ZNF316: variants seen among roughly 807,000 people sequenced by gnomAD.
ZNF316 encodes zinc finger protein 316.
In ZNF316, 23 loss-of-function variants were observed where a neutral mutation model predicts 75.6. That is an observed-to-expected ratio of 0.30 (90% CI 0.22 to 0.43). ZNF316 has a LOEUF of 0.43. Ranked by LOEUF, ZNF316 falls within the 20% of genes least tolerant of loss-of-function variation. The pLI is 1.00. For missense variants in ZNF316, 1,266 were observed against 1,409.4 expected, an observed-to-expected ratio of 0.90 and a Z score of 1.63; for synonymous variants, 827 against 666.2, an observed-to-expected ratio of 1.24 and a Z score of -3.72.
rs1173213580 is a variant in ZNF316, at chr7:6,640,434, A to C, written c.-167+1293A>C. Among the ~76,000 whole-genome samples, 2 of 152,114 alleles carry C rather than the reference A, an allele frequency of 1.3e-5. No individual in the cohort carries two copies. Among genetic ancestry groups the C allele is most frequent in the Admixed American group, 1.3e-4 (2 of 15,280 alleles). ...CACATGGCGAAAACAGGAACAAGCAAGAGAGAGTGAGTGGGGAGGCGCCAC... is the reference window on the plus strand; with the variant it reads ...CACATGGCGAAAACAGGAACAAGCACGAGAGAGTGAGTGGGGAGGCGCCAC... On this transcript the variant is annotated intron_variant, in intron 3 of 8. Coordinates refer to ENST00000382252, the MANE Select transcript of ZNF316 (RefSeq NM_001278559.2). This position sits in a 1 kb window ranked among gnomAD's most constrained non-coding sequence, Gnocchi z 5.1.
chr7:6,652,962 C>T lies in ZNF316; in HGVS notation c.1366C>T (p.Pro456Ser). ...CCAGCGCACGCACACCGGCGAGCGACCCTACCCGTGTTCGCACTGCGGCCG... is the reference window on the plus strand; with the variant it reads ...CCAGCGCACGCACACCGGCGAGCGATCCTACCCGTGTTCGCACTGCGGCCG... ...THQRTHTGER[P>S]YPCSHCGRSF... is the part of the protein sequence containing the mutation. The change falls in exon 9 of 9, where the codon CCC becomes TCC. Residue 456 changes from proline (P) to serine (S), a missense_variant. Physicochemically the swap from Pro to Ser is moderately conservative, Grantham distance 74. Transcript: ENST00000382252. 8.0e-7 allele frequency: 1 copy of T among 1,242,482 alleles called. No homozygotes were observed. The allele number at this position is 1,242,482 out of a possible 1,614,324, so 77.0% of individuals were successfully genotyped here. A position where few individuals can be genotyped will look rare whatever the true frequency, so the allele number is the denominator to read the frequency against.
intron 8 of ZNF316, among the ~76,000 whole-genome samples, chr7:6,644,938 C>A: frequency 6.6e-6 from 1 of 152,250 alleles, no homozygotes; most frequent in Non-Finnish European, 1.5e-5. Flanking sequence ...TCTGATGGCA[C>A]AGTGCTAGCC....
rs1212596093 is a variant in ZNF316 at position 6,655,376 on chromosome 7, C to G, written c.*765C>G. ...TCCTCTTCTCTACCCACACTTGCAC[C>G]GAGGTCACCCCGGCACCCTCCGCAC... On this transcript the variant is annotated 3_prime_UTR_variant, in exon 9 of 9. Transcript: ENST00000382252. The G allele has an allele frequency of 6.6e-6, 1 of 152,196 alleles. No individual in the cohort carries two copies. 9.4% of individuals were successfully genotyped at this position (152,196 alleles called of 1,614,324 possible). A position where few individuals can be genotyped will look rare whatever the true frequency, so the allele number is the denominator to read the frequency against.
rs904248166 is a variant in ZNF316, at chr7:6,653,599, T to G, written c.2003T>G (p.Phe668Cys). 3.8e-6 allele frequency: 4 copies of G among 1,063,614 alleles called. No individual in the cohort carries two copies. In the African/African-American group the frequency reaches 5.2e-5, roughly 14 times the overall value. The allele number at this position is 1,063,614 out of a possible 1,614,324, so 65.9% of individuals were successfully genotyped here. Residue 668 changes from phenylalanine to cysteine, a missense_variant, in exon 9 of 9, where the codon TTC becomes TGC. Physicochemically the swap from Phe to Cys is radical, Grantham distance 205. Coordinates refer to ENST00000382252, the MANE Select transcript of ZNF316 (RefSeq NM_001278559.2). Reference sequence around the variant, plus strand: ...GGCGGCGGAGGCGGCCTGCGCGCGTTCGGGCCCGCCATCGGGGGTCTGCTG... The same window carrying G: ...GGCGGCGGAGGCGGCCTGCGCGCGTGCGGGCCCGCCATCGGGGGTCTGCTG... ...AAGGGGGLRA[F>C]GPAIGGLLAE...
Position 6,644,083 on chromosome 7 carries a change from G to A in ZNF316, c.592+135G>A, listed in dbSNP as rs187244794. On this transcript the variant is annotated intron_variant, in intron 7 of 8. Transcript: ENST00000382252. ...TGCTGGGCCCAGCCCACCTCCCAGGGAAGCCCTAGGACCCCATGGCCCCTG... is the reference window on the plus strand; with the variant it reads ...TGCTGGGCCCAGCCCACCTCCCAGGAAAGCCCTAGGACCCCATGGCCCCTG... 2.0e-5 allele frequency: 20 copies of A among 997,776 alleles called. No individual in the cohort carries two copies. In the East Asian group the frequency reaches 5.6e-4, roughly 28 times the overall value. 61.8% of individuals were successfully genotyped at this position (997,776 alleles called of 1,614,324 possible).
chr7:6,646,619 C>T lies in ZNF316; in HGVS notation c.706+2026C>T, dbSNP rs187102953. Reference sequence around the variant, plus strand: ...GGGCTGGCAGGCCTGGGATGCCCCCCGGCCCTGAGTGGGTGTGTAAAGTCA... The same window carrying T: ...GGGCTGGCAGGCCTGGGATGCCCCCTGGCCCTGAGTGGGTGTGTAAAGTCA... On this transcript the variant is annotated intron_variant, in intron 8 of 8. Transcript: ENST00000382252. Among the ~76,000 whole-genome samples, 418 of 152,096 alleles carry T rather than the reference C, an allele frequency of 2.7e-3. 7 individuals are homozygous for T. The highest frequency in any genetic ancestry group is 1.4e-3 in the Non-Finnish European group (94 of 67,914).
chr7:6,652,829 C>T lies in ZNF316; in HGVS notation c.1233C>T (p.Val411=). ...GCCCGGACTGCGGCAAGCGCTTCGT[C>T]TACAAGTCGCACCTGGTTACGCACC... The part of the protein sequence containing the change: ...FPCPDCGKRF[V]YKSHLVTHRR... The change falls in exon 9 of 9, where the codon GTC becomes GTT. Residue 411 remains valine, a synonymous_variant. Transcript: ENST00000382252. The T allele has an allele frequency of 1.6e-6, 2 of 1,258,728 alleles. No individual in the cohort carries two copies. Among genetic ancestry groups the T allele is most frequent in the Non-Finnish European group, 2.0e-6 (2 of 1,001,422 alleles). 78.0% of individuals were successfully genotyped at this position (1,258,728 alleles called of 1,614,324 possible). A position where few individuals can be genotyped will look rare whatever the true frequency, so the allele number is the denominator to read the frequency against.
Position 6,654,512 on chromosome 7 carries a change from C to G in ZNF316, c.2916C>G (p.Gly972=). ...GPSSAGPGER[G]SALLEFAGGT... ...CCAGTGCCGGCCCCGGTGAGCGCGGCAGCGCCCTGCTGGAGTTCGCGGGCG... is the reference window on the plus strand; with the variant it reads ...CCAGTGCCGGCCCCGGTGAGCGCGGGAGCGCCCTGCTGGAGTTCGCGGGCG... The change falls in exon 9 of 9, where the codon GGC becomes GGG. Residue 972 remains glycine, a synonymous_variant. Coordinates refer to ENST00000382252, the MANE Select transcript of ZNF316 (RefSeq NM_001278559.2). 8.5e-7 allele frequency: 1 copy of G among 1,176,694 alleles called. No homozygotes were observed. Among genetic ancestry groups the G allele is most frequent in the Non-Finnish European group, 1.0e-6 (1 of 952,696 alleles). 72.9% of individuals were successfully genotyped at this position (1,176,694 alleles called of 1,614,324 possible). A position where few individuals can be genotyped will look rare whatever the true frequency, so the allele number is the denominator to read the frequency against.
chr7:6,647,864 G>A (rs941765296), intron 8 of ZNF316, among the ~76,000 whole-genome samples: 4 of 152,304 alleles, frequency 2.6e-5, no homozygotes, highest in African/African-American at 7.2e-5. Context: ...TGTCTTCTGG[G>A]TCAGGCATGT....
rs1471823271 is a variant in ZNF316 at position 6,637,690 on chromosome 7, C to T, written c.-430-156C>T. On this transcript the variant is annotated intron_variant, in intron 1 of 8. Transcript: ENST00000382252. The surrounding 1 kb of genome is among the most constrained non-coding windows in gnomAD (Gnocchi z 6.2). Reference sequence around the variant, plus strand: ...TCCGGGCCTGCGCGTTGCCGACCCCCGGGGCCGGTCCGGGCAGGAGGCGGA... The same window carrying T: ...TCCGGGCCTGCGCGTTGCCGACCCCTGGGGCCGGTCCGGGCAGGAGGCGGA... Among the ~76,000 whole-genome samples, 6 of 151,536 alleles carry T rather than the reference C, an allele frequency of 4.0e-5. No individual in the cohort carries two copies. The highest frequency in any genetic ancestry group is 2.0e-4 in the Admixed American group (3 of 15,220).
Position 6,643,883 on chromosome 7 carries a change from A to C in ZNF316, c.527A>C (p.Glu176Ala). 1.6e-6 allele frequency: 2 copies of C among 1,237,224 alleles called. No homozygotes were observed. The highest frequency in any genetic ancestry group is 2.0e-6 in the Non-Finnish European group (2 of 991,318). The allele number at this position is 1,237,224 out of a possible 1,614,324, so 76.6% of individuals were successfully genotyped here. ...YFSLEEWERL[E>A]ADQRGLYQEV... ...TCCCTGGAGGAGTGGGAAAGGCTGG[A>C]AGCAGACCAGCGGGGCCTCTACCAG... is the stretch of plus-strand genomic sequence containing the variant. Residue 176 changes from glutamate (E) to alanine (A), a missense_variant, in exon 7 of 9, where the codon GAA (glutamate) becomes GCA (alanine). Around this residue, in one of 3 missense-constraint regions of ZNF316, gnomAD observed 961 missense variants for 990.9 expected, o/e 0.97. Coordinates refer to ENST00000382252, the MANE Select transcript of ZNF316 (RefSeq NM_001278559.2).
chr7:6,640,784 G>A lies in ZNF316; in HGVS notation c.-166-1041G>A, dbSNP rs917272044. On this transcript the variant is annotated intron_variant, in intron 3 of 8. Transcript: ENST00000382252. This position sits in a 1 kb window ranked among gnomAD's most constrained non-coding sequence, Gnocchi z 5.1. Reference sequence around the variant, plus strand: ...GATCCCTCATGAATGGTCTAGCACCGTCCCCTTGGTGATAAGGGAGTTCTC... The same window carrying A: ...GATCCCTCATGAATGGTCTAGCACCATCCCCTTGGTGATAAGGGAGTTCTC... 2.6e-5 allele frequency among the ~76,000 whole-genome samples: 4 copies of A among 152,148 alleles called. No individual in the cohort carries two copies. Among genetic ancestry groups the A allele is most frequent in the Non-Finnish European group, 5.9e-5 (4 of 68,006 alleles).
In ZNF316 at chr7:6,640,668, C is replaced by T. The variant is rs1376070307; in HGVS notation, c.-166-1157C>T. Reference sequence around the variant, plus strand: ...GTCCCCTTCCAGTCTCACGCTGAAGCATGATTTCCAGTGCTGGAGGCGGGC... The same window carrying T: ...GTCCCCTTCCAGTCTCACGCTGAAGTATGATTTCCAGTGCTGGAGGCGGGC... On this transcript the variant is annotated intron_variant, in intron 3 of 8. Transcript: ENST00000382252. The surrounding 1 kb of genome is among the most constrained non-coding windows in gnomAD (Gnocchi z 5.1). 6.6e-6 allele frequency among the ~76,000 whole-genome samples: 1 copy of T among 152,154 alleles called. No individual in the cohort carries two copies. Among genetic ancestry groups the T allele is most frequent in the Non-Finnish European group, 1.5e-5 (1 of 68,022 alleles).
chr7:6,647,099 G>A (rs769174954), intron 8 of ZNF316, among the ~76,000 whole-genome samples: 19 of 152,236 alleles, frequency 1.2e-4, no homozygotes, highest in Non-Finnish European at 2.4e-4. Flanking sequence ...GGCTGTGGGT[G>A]CCTGCCAGTG....
At position 6,654,531 on chromosome 7, in the gene ZNF316, G is replaced by A. The variant is rs1229489737; in HGVS notation, c.2935G>A (p.Ala979Thr). ...GCGCGGCAGCGCCCTGCTGGAGTTC[G>A]CGGGCGGCACAAGCTTCGGCTCCGA... ...GERGSALLEF[A>T]GGTSFGSEHQ... Residue 979 changes from alanine (A) to threonine (T), a missense_variant, in exon 9 of 9, where the codon GCG becomes ACG. By Grantham distance (58) the Ala-to-Thr change is moderately conservative. Around this residue, in one of 3 missense-constraint regions of ZNF316, gnomAD observed 111 missense variants for 99.2 expected, o/e 1.12. Coordinates refer to ENST00000382252, the MANE Select transcript of ZNF316 (RefSeq NM_001278559.2). 1.7e-6 allele frequency: 2 copies of A among 1,179,788 alleles called. No individual in the cohort carries two copies. The highest frequency in any genetic ancestry group is 4.2e-5 in the South Asian group (1 of 23,910). 73.1% of individuals were successfully genotyped at this position (1,179,788 alleles called of 1,614,324 possible).
At position 6,654,323 on chromosome 7, in the gene ZNF316, T is replaced by C; in HGVS notation, c.2727T>C (p.His909=). ...RSVLVTHQRT[H]TGERPYACAN... Reference sequence around the variant, plus strand: ...TGCTGGTCACGCACCAGCGCACACATACGGGCGAGCGGCCCTACGCCTGCG... The same window carrying C: ...TGCTGGTCACGCACCAGCGCACACACACGGGCGAGCGGCCCTACGCCTGCG... The change falls in exon 9 of 9, where the codon CAT becomes CAC. Residue 909 remains histidine, a synonymous_variant. Coordinates refer to ENST00000382252, the MANE Select transcript of ZNF316 (RefSeq NM_001278559.2). 2.5e-6 allele frequency: 3 copies of C among 1,221,578 alleles called. No individual in the cohort carries two copies. Among genetic ancestry groups the C allele is most frequent in the Non-Finnish European group, 3.1e-6 (3 of 981,474 alleles). 75.7% of individuals were successfully genotyped at this position (1,221,578 alleles called of 1,614,324 possible).
chr7:6,647,773 G>A (rs1206825615), intron 8 of ZNF316, among the ~76,000 whole-genome samples: 1 of 152,044 alleles, frequency 6.6e-6, no homozygotes, highest in African/African-American at 2.4e-5. Context: ...CTGGTGCCAT[G>A]GGTGGTGTGT....
Position 6,646,023 on chromosome 7 carries a change from C to T in ZNF316, c.706+1430C>T, listed in dbSNP as rs56384751. ...AAAAAAAAAAAAAAAAATCAGATCT[C>T]GTGAGAACTCCCTCACTATCATGAG... On this transcript the variant is annotated intron_variant, in intron 8 of 8. Coordinates refer to ENST00000382252, the MANE Select transcript of ZNF316 (RefSeq NM_001278559.2). 5.8e-3 allele frequency among the ~76,000 whole-genome samples: 871 copies of T among 149,852 alleles called. 4 individuals carry two copies. The highest frequency in any genetic ancestry group is 0.02 in the South Asian group (97 of 4,760).
At position 6,640,881 on chromosome 7, in the gene ZNF316, C is replaced by T. The variant is rs536709391; in HGVS notation, c.-166-944C>T. 9.2e-5 allele frequency among the ~76,000 whole-genome samples: 14 copies of T among 152,316 alleles called. No individual in the cohort carries two copies. The highest frequency in any genetic ancestry group is 3.1e-4 in the African/African-American group (13 of 41,568). The stretch of plus-strand genomic sequence containing the variant: ...TCTCTCTTGCTGCCCCTTTGCCTCC[C>T]TCCACGAGTGGAAGCTTCCTGAGGC... On this transcript the variant is annotated intron_variant, in intron 3 of 8. Coordinates refer to ENST00000382252, the MANE Select transcript of ZNF316 (RefSeq NM_001278559.2). This position sits in a 1 kb window ranked among gnomAD's most constrained non-coding sequence, Gnocchi z 5.1.
Sources: gnomAD v4.1 joint callset for allele counts (sites outside exome capture counted in the v4.1 genomes callset) on GRCh38, gnomAD v4.1.1 for gene constraint, gnomAD v4.1.1 regional missense constraint, Gnocchi (gnomAD v3.1) non-coding constraint, MANE v1.5 for transcripts, NCBI Gene and HGNC (gene_info 2026-07-23, HGNC 2026-07-21) for gene names.